The following PRH1 variants were observed in gnomAD, a reference collection of about 807,000 sequenced individuals.
PRH1 encodes salivary acidic proline-rich phosphoprotein 1/2.
In PRH1, 7 loss-of-function variants were observed where a neutral mutation model predicts 7.9. The ratio of observed to expected loss-of-function variants is 0.89; its 90% CI spans 0.50 to 1.67. The LOEUF (loss-of-function observed/expected upper bound fraction) is 1.67, where lower values mean the gene tolerates loss of function less well. Ranked by LOEUF, PRH1 falls within the 40% of genes most tolerant of loss-of-function variation. PRH1 has a pLI of 0.00. For synonymous variants in PRH1, 45 were observed against 80.8 expected (o/e 0.56, Z 2.38); for missense variants, 109 against 223.6 (o/e 0.49, Z 3.27).
chr12:11,171,127 G>A, intron 1 of PRH1: 1 of 392,166 alleles, frequency 2.5e-6, no homozygotes. Flanking sequence ...ACCATCAGTT[G>A]AGCTCTAAAT....
intron 2 of PRH1, among the ~76,000 whole-genome samples, chr12:10,925,911 T>C (rs545980365): frequency 1.1e-4 from 16 of 152,334 alleles, no homozygotes; most frequent in Admixed American, 5.2e-4. Context: ...ATGTCATCTA[T>C]AAAACTAAGG....
At chr12:11,062,235 T>A (rs1943640718) in intron 1 of PRH1, 1 of 1,613,248 alleles carries the variant, frequency 6.2e-7, no homozygotes, top group African/African-American at 1.3e-5. Flanking sequence ...TAGCAAAATT[T>A]CCAATCACAA....
At chr12:11,046,677 AT>A (rs1942911386) in intron 1 of PRH1, among the ~76,000 whole-genome samples, 2 of 152,016 alleles carry the variant, frequency 1.3e-5, no homozygotes, top group Non-Finnish European at 2.9e-5. Flanking sequence ...TTTTTTAAAT[AT>A]TTTATCCAGA....
At chr12:11,063,837 A>G (rs1565611942) in intron 1 of PRH1, among the ~76,000 whole-genome samples, 1 of 152,108 alleles carries the variant, frequency 6.6e-6, no homozygotes. Context: ...TTGCAACTAA[A>G]TAAGAAAGTG....
At chr12:10,908,497 TC>T in intron 2 of PRH1, 1 of 1,613,886 alleles carries the variant, frequency 6.2e-7, no homozygotes, top group Non-Finnish European at 8.5e-7. Flanking sequence ...ACTCCAATCG[TC>T]TCACAAAGCA....
intron 1 of PRH1, among the ~76,000 whole-genome samples, chr12:10,976,258 A>G (rs1939093524): frequency 6.6e-6 from 1 of 152,214 alleles, no homozygotes. Context: ...GTAAGTAAAT[A>G]CTAAGACAAT....
intron 1 of PRH1, among the ~76,000 whole-genome samples, chr12:11,072,469 G>C (rs1246377077): frequency 1.3e-5 from 2 of 152,220 alleles, no homozygotes; most frequent in Admixed American, 1.3e-4. Context: ...CACTATTAGA[G>C]CAGGACCAAG....
chr12:11,086,111 C>CG (rs200672000), intron 1 of PRH1, among the ~76,000 whole-genome samples: 1 of 27,506 alleles, frequency 3.6e-5, no homozygotes, highest in East Asian at 2.4e-3. Flanking sequence ...CATTCCCCCC[C>CG]CCACACACAC....
chr12:11,090,150 A>T (rs1164228924), intron 1 of PRH1, among the ~76,000 whole-genome samples: 10 of 104,756 alleles, frequency 9.5e-5, no homozygotes, highest in South Asian at 2.6e-4. Flanking sequence ...TTCCTATTAA[A>T]GAATATGTCA....
At chr12:11,028,801 T>C (rs1942040518) in intron 1 of PRH1, among the ~76,000 whole-genome samples, 1 of 138,056 alleles carries the variant, frequency 7.2e-6, no homozygotes, top group Admixed American at 7.4e-5. Context: ...GACTATATTA[T>C]TGTCATATTT....
At chr12:11,068,728 C>T (rs1243035635) in intron 1 of PRH1, among the ~76,000 whole-genome samples, 5 of 152,170 alleles carry the variant, frequency 3.3e-5, no homozygotes, top group Admixed American at 6.5e-5. Flanking sequence ...TATTTCTCTA[C>T]TTAGATCATT....
intron 1 of PRH1, among the ~76,000 whole-genome samples, chr12:11,128,368 A>G (rs116727294): frequency 0.23 from 32,171 of 141,514 alleles, 3,990 homozygotes; most frequent in Non-Finnish European, 0.29. Flanking sequence ...TTGGAGTCAG[A>G]CGCCAGGTCA....
At chr12:10,933,692 T>C (rs1446820288) in intron 2 of PRH1, among the ~76,000 whole-genome samples, 1 of 152,118 alleles carries the variant, frequency 6.6e-6, no homozygotes, top group Non-Finnish European at 1.5e-5. Flanking sequence ...AAATACTTTT[T>C]TGATTAGCCT....
intron 1 of PRH1, among the ~76,000 whole-genome samples, chr12:10,977,006 T>G (rs1365095762): frequency 3.3e-5 from 5 of 152,108 alleles, no homozygotes; most frequent in Non-Finnish European, 7.4e-5. Context: ...ACTGGTATGA[T>G]TTATACAGAA....
rs561993235 is a variant in PRH1 at position 10,883,228 on chromosome 12, G to T, written c.65-132C>A. Reference sequence around the variant, plus strand: ...TTTGTGATCTCATCAGCCACTCTCTGATGCTACTGGAAGTGGAAGAAGATG... The same window carrying T: ...TTTGTGATCTCATCAGCCACTCTCTTATGCTACTGGAAGTGGAAGAAGATG... On this transcript the variant is annotated intron_variant, in intron 1 of 3. Transcript: ENST00000543626. 3.6e-5 allele frequency: 37 copies of T among 1,026,954 alleles called. No individual in the cohort carries two copies. The East Asian group carries it at 8.3e-4, about 23-fold the overall frequency. 63.6% of individuals were successfully genotyped at this position (1,026,954 alleles called of 1,614,324 possible).
intron 1 of PRH1, among the ~76,000 whole-genome samples, chr12:10,976,913 T>A (rs1359428356): frequency 6.6e-6 from 1 of 151,758 alleles, no homozygotes; most frequent in African/African-American, 2.4e-5. Flanking sequence ...CAAAATTGAA[T>A]CAGTAATAAG....
chr12:10,999,601 C>G (rs11054145), intron 1 of PRH1, among the ~76,000 whole-genome samples: 2 of 151,972 alleles, frequency 1.3e-5, no homozygotes, highest in Non-Finnish European at 2.9e-5. Flanking sequence ...ATGTAACCAT[C>G]ATGCAGGATA....
chr12:10,894,828 T>C (rs1412928639), intron 2 of PRH1: 2 of 152,204 alleles, frequency 1.3e-5, no homozygotes, highest in Non-Finnish European at 2.9e-5. Context: ...TAATGCTCAA[T>C]ATATCATAGA....
intron 1 of PRH1, among the ~76,000 whole-genome samples, chr12:11,140,432 G>A (rs1050519229): frequency 8.5e-5 from 13 of 152,164 alleles, no homozygotes; most frequent in Non-Finnish European, 1.8e-4. Context: ...CACTGGTCAA[G>A]ATTCCCTTTA....
Sources: allele counts gnomAD v4.1 joint callset (sites outside exome capture counted in the v4.1 genomes callset), GRCh38; gene constraint gnomAD v4.1.1; transcripts MANE v1.5; gene names NCBI Gene and HGNC (gene_info 2026-07-23, HGNC 2026-07-21).